The following ADGRL3 variants were observed in gnomAD, a reference collection of about 807,000 sequenced individuals.
The protein encoded by ADGRL3 is adhesion G protein-coupled receptor L3.
ADGRL3 carries 62 observed loss-of-function variants against 153.5 expected under a neutral mutation model. The ratio of observed to expected loss-of-function variants is 0.40; its 90% CI spans 0.33 to 0.50. The LOEUF is 0.50. Among genes scored for constraint, ADGRL3 ranks in the 20% least tolerant of loss-of-function variants. ADGRL3 has a pLI of 0.47. For synonymous variants in ADGRL3, 710 were observed against 672.5 expected (o/e 1.06, Z -0.86); for missense variants, 1,641 against 1,859.4 (o/e 0.88, Z 2.16).
intron 1 of ADGRL3, among the ~76,000 whole-genome samples, chr4:61,329,702 A>G (rs1251878363): frequency 5.1e-5 from 6 of 117,146 alleles, no homozygotes; most frequent in African/African-American, 1.5e-4. Flanking sequence ...GAAAAAAAAT[A>G]TAGTATACAG....
intron 13 of ADGRL3, among the ~76,000 whole-genome samples, chr4:61,917,110 C>A (rs1010287233): frequency 6.6e-6 from 1 of 151,494 alleles, no homozygotes; most frequent in Non-Finnish European, 1.5e-5. Flanking sequence ...AAATGGAGAC[C>A]CAGGGAAGGT....
chr4:61,748,555 G>A (rs2096705746), intron 8 of ADGRL3, among the ~76,000 whole-genome samples: 1 of 152,070 alleles, frequency 6.6e-6, no homozygotes, highest in African/African-American at 2.4e-5. Context: ...AAATAACGCT[G>A]CATATCTACA....
At chr4:61,386,558 C>G (rs947854871) in intron 2 of ADGRL3, among the ~76,000 whole-genome samples, 6 of 152,086 alleles carry the variant, frequency 3.9e-5, no homozygotes, top group African/African-American at 1.4e-4. Context: ...CAAATTTTTA[C>G]TAAACTTTGT....
intron 1 of ADGRL3, among the ~76,000 whole-genome samples, chr4:61,290,646 T>G (rs1336426709): frequency 8.0e-6 from 1 of 124,340 alleles, no homozygotes; most frequent in African/African-American, 3.1e-5. Context: ...CATCTCAATA[T>G]AAAGGAAGGA....
chr4:61,960,754 A>C (rs2150482074), intron 17 of ADGRL3, among the ~76,000 whole-genome samples: 1 of 152,182 alleles, frequency 6.6e-6, no homozygotes, highest in East Asian at 1.9e-4. Flanking sequence ...TCTGTCGCCC[A>C]GGCTGGAATG....
intron 2 of ADGRL3, among the ~76,000 whole-genome samples, chr4:61,391,408 C>T (rs1260120131): frequency 6.6e-6 from 1 of 152,172 alleles, no homozygotes; most frequent in Non-Finnish European, 1.5e-5. Flanking sequence ...GAGGGATTCA[C>T]CTCCATGACC....
chr4:61,700,660 T>A (rs1365998117), intron 6 of ADGRL3, among the ~76,000 whole-genome samples: 1 of 152,174 alleles, frequency 6.6e-6, no homozygotes, highest in Non-Finnish European at 1.5e-5. Context: ...GAAAAGTCGG[T>A]AACTGAATTT....
chr4:61,280,770 T>C (rs1223464875), intron 1 of ADGRL3, among the ~76,000 whole-genome samples: 1 of 152,150 alleles, frequency 6.6e-6, no homozygotes, highest in Non-Finnish European at 1.5e-5. Flanking sequence ...GATATTAGAA[T>C]TAATTTGTAT....
intron 24 of ADGRL3, among the ~76,000 whole-genome samples, chr4:62,041,011 G>T (rs1449383841): frequency 6.6e-6 from 1 of 151,916 alleles, no homozygotes; most frequent in East Asian, 1.9e-4. Context: ...GAGGGAGAAT[G>T]AGATAGAAAG....
In ADGRL3 at chr4:61,913,210, C is replaced by T. The variant is rs530598077; in HGVS notation, c.2112+453C>T. Among the ~76,000 whole-genome samples, 8 of 152,180 alleles carry T rather than the reference C, an allele frequency of 5.3e-5. No homozygotes were observed. The East Asian group carries it at 5.8e-4, about 11-fold the overall frequency. ...TAGAGCTGTTTATTGGTTCAAGGCA[C>T]GATTGTGACTATCTTACTCTCTTAC... is the stretch of plus-strand genomic sequence containing the variant. On this transcript the variant is annotated intron_variant, in intron 13 of 26. Transcript: ENST00000683033.
At chr4:61,844,546 C>CAAAAAAAAAAAA (rs71604517) in intron 9 of ADGRL3, among the ~76,000 whole-genome samples, 2 of 17,546 alleles carry the variant, frequency 1.1e-4, no homozygotes, top group Non-Finnish European at 1.7e-4. Flanking sequence ...GACTGCATCT[C>CAAAAAAAAAAAA]AAAAAAAAAA....
intron 4 of ADGRL3, among the ~76,000 whole-genome samples, chr4:61,574,959 G>C (rs979091054): frequency 6.6e-6 from 1 of 151,578 alleles, no homozygotes; most frequent in Non-Finnish European, 1.5e-5. Flanking sequence ...TCATTTTACA[G>C]CTGCTTTCTC....
At chr4:61,371,969 A>G (rs542896177) in intron 1 of ADGRL3, among the ~76,000 whole-genome samples, 1 of 151,900 alleles carries the variant, frequency 6.6e-6, no homozygotes, top group East Asian at 1.9e-4. Context: ...TTCTTGCTTC[A>G]TTTCATTCAT....
chr4:62,034,303 C>G (rs1723800139), intron 23 of ADGRL3, among the ~76,000 whole-genome samples: 1 of 151,526 alleles, frequency 6.6e-6, no homozygotes, highest in South Asian at 2.1e-4. Flanking sequence ...AATTTTGGCT[C>G]CTGAGTCAAA....
At chr4:61,577,799 T>G in intron 4 of ADGRL3, among the ~76,000 whole-genome samples, 3 of 147,520 alleles carry the variant, frequency 2.0e-5, no homozygotes, top group Non-Finnish European at 3.0e-5. Context: ...GGTGACAGAG[T>G]GGGAGCTTGT....
chr4:61,428,877 C>CT (rs1560616250), intron 2 of ADGRL3, among the ~76,000 whole-genome samples: 9 of 131,446 alleles, frequency 6.8e-5, no homozygotes, highest in African/African-American at 5.7e-5. Context: ...CTATCTATAT[C>CT]ATCTATCTAT....
chr4:62,020,504 A>G (rs1368064512), intron 21 of ADGRL3, among the ~76,000 whole-genome samples: 3 of 152,132 alleles, frequency 2.0e-5, no homozygotes, highest in African/African-American at 4.8e-5. Flanking sequence ...AGGTATGTCA[A>G]CTTGCTAAAA....
intron 9 of ADGRL3, among the ~76,000 whole-genome samples, chr4:61,880,067 A>G (rs1411746280): frequency 1.3e-5 from 2 of 151,990 alleles, no homozygotes; most frequent in African/African-American, 2.4e-5. Flanking sequence ...TTGGTTGGCC[A>G]TAACAGTAGA....
Position 62,073,555 on chromosome 4 carries a change from G to A in ADGRL3, c.*2647G>A, listed in dbSNP as rs1198133987. 1 of 152,106 alleles carries A rather than the reference G, an allele frequency of 6.6e-6. No individual in the cohort carries two copies. The highest frequency in any genetic ancestry group is 1.5e-5 in the Non-Finnish European group (1 of 67,992). 9.4% of individuals were successfully genotyped at this position (152,106 alleles called of 1,614,324 possible). ...TTGTCAAACAGTAACCTACATGAAA[G>A]CAACTCTATCAGTAAGAAGCTGGTT... On this transcript the variant is annotated 3_prime_UTR_variant, in exon 27 of 27. Transcript: ENST00000683033.
Sources: allele counts gnomAD v4.1 joint callset (sites outside exome capture counted in the v4.1 genomes callset), GRCh38; gene constraint gnomAD v4.1.1; transcripts MANE v1.5; gene names NCBI Gene and HGNC (gene_info 2026-07-23, HGNC 2026-07-21).